SPPL2B: variants seen among roughly 807,000 people sequenced by gnomAD.
SPPL2B encodes the protein signal peptide peptidase-like 2B.
SPPL2B carries 39 observed loss-of-function variants against 59.7 expected under a neutral mutation model. The observed-to-expected ratio is 0.65, with a 90% CI of 0.51 to 0.85. SPPL2B has a LOEUF of 0.85. SPPL2B is among the 40% of genes least tolerant of loss of function. The pLI, the probability that SPPL2B is intolerant of heterozygous loss-of-function variation, is 0.00. For synonymous variants in SPPL2B, 419 were observed against 370.8 expected (o/e 1.13, Z -1.49); for missense variants, 865 against 849.0 (o/e 1.02, Z -0.23).
At position 2,339,938 on chromosome 19, in the gene SPPL2B, G is replaced by A. The variant is rs1378614341; in HGVS notation, c.714G>A (p.Val238=). 1 of 1,560,702 alleles carries A rather than the reference G, an allele frequency of 6.4e-7. No homozygotes were observed. The highest frequency in any genetic ancestry group is 1.9e-5 in the Admixed American group (1 of 51,634). The change falls in exon 6 of 15, where the codon GTG becomes GTA. Residue 238 remains valine, a synonymous_variant. Transcript: ENST00000613503. ...VFVVMCCSML[V]LLYYFYDLLV... ...TGGTGATGTGCTGCTCCATGCTGGTGCTGCTCTACTATTTCTACGATCTCC... is the reference window on the plus strand; with the variant it reads ...TGGTGATGTGCTGCTCCATGCTGGTACTGCTCTACTATTTCTACGATCTCC...
In SPPL2B at chr19:2,345,786, C is replaced by T. The variant is rs143147203; in HGVS notation, c.1354+456C>T. Among the ~76,000 whole-genome samples the T allele has an allele frequency of 7.6e-4, 76 of 100,282 alleles. No homozygotes were observed. The East Asian group carries it at 0.016, about 21-fold the overall frequency. The allele number at this position is 100,282 out of a possible 152,430, so 65.8% of individuals were successfully genotyped here. A position where few individuals can be genotyped will look rare whatever the true frequency, so the allele number is the denominator to read the frequency against. ...CCCTCTTTCTCATTCTCCCTGGGCCCGTGCCTCCATCCCCGTCTTTCTCAT... is the reference window on the plus strand; with the variant it reads ...CCCTCTTTCTCATTCTCCCTGGGCCTGTGCCTCCATCCCCGTCTTTCTCAT... On this transcript the variant is annotated intron_variant, in intron 13 of 14. Transcript: ENST00000613503.
At position 2,340,913 on chromosome 19, in the gene SPPL2B, C is replaced by A; in HGVS notation, c.855C>A (p.Ser285Arg). The change falls in exon 8 of 15, where the codon AGC becomes AGA. Residue 285 changes from serine (S) to arginine (R), a missense_variant. Ser to Arg is a moderately radical substitution (Grantham distance 110). Transcript: ENST00000613503. ...PFGKCRIPNN[S>R]LPYFHKRPQA... ...TGCCCCCCAGGATCCCCAACAACAG[C>A]CTGCCCTACTTCCACAAGCGCCCGC... is the stretch of plus-strand genomic sequence containing the variant. 1 of 1,595,102 alleles carries A rather than the reference C, an allele frequency of 6.3e-7. No homozygotes were observed.
rs866668988 is a variant in SPPL2B, at chr19:2,353,094, C to T, written c.1664C>T (p.Thr555Met). The T allele has an allele frequency of 4.5e-5, 72 of 1,611,274 alleles. No homozygotes were observed. Among genetic ancestry groups the T allele is most frequent in the Middle Eastern group, 1.6e-4 (1 of 6,078 alleles). ...WPAEQSPKSR[T>M]SEEMGAGAPM... is the part of the protein sequence containing the mutation. Reference sequence around the variant, plus strand: ...GCTGAGCAGTCCCCAAAATCACGCACGTCCGAGGAGATGGGGGCTGGAGCC... The same window carrying T: ...GCTGAGCAGTCCCCAAAATCACGCATGTCCGAGGAGATGGGGGCTGGAGCC... Residue 555 changes from threonine (T) to methionine (M), a missense_variant, in exon 15 of 15, where the codon ACG becomes ATG. By Grantham distance (81) the Thr-to-Met change is moderately conservative. Transcript: ENST00000613503.
intron 2 of SPPL2B, among the ~76,000 whole-genome samples, chr19:2,336,549 G>A (rs996496492): frequency 2.0e-5 from 3 of 151,954 alleles, no homozygotes; most frequent in African/African-American, 7.3e-5. Context: ...GTGTATGCAT[G>A]TGTGTGTAAT....
At chr19:2,329,144 C>T (rs1000369399) in intron 1 of SPPL2B, among the ~76,000 whole-genome samples, 1 of 152,276 alleles carries the variant, frequency 6.6e-6, no homozygotes, top group African/African-American at 2.4e-5. Flanking sequence ...CCACCCCTCT[C>T]CGAGCCTCAG....
intron 5 of SPPL2B, 45 bp from the exon 6 acceptor site, chr19:2,339,779 G>A (rs781531185): frequency 3.3e-5 from 53 of 1,585,170 alleles, no homozygotes; most frequent in East Asian, 2.5e-4. Context: ...GCCCCGTGTC[G>A]GCCAGCCGGC....
rs372825829 is a variant in SPPL2B at position 2,351,134 on chromosome 19, C to T, written c.1355-300C>T. On this transcript the variant is annotated intron_variant, in intron 13 of 14. Transcript: ENST00000613503. ...CCCCTCCGCTATCACGTCTGCCTCC[C>T]GCTGTCCTGCAGCTGCCCGGACCCT... Among the ~76,000 whole-genome samples, 333 of 152,316 alleles carry T rather than the reference C, an allele frequency of 2.2e-3. 4 individuals carry two copies. Among genetic ancestry groups the T allele is most frequent in the African/African-American group, 7.1e-3 (293 of 41,560 alleles).
chr19:2,339,510 C>T (rs1013883850), intron 5 of SPPL2B, among the ~76,000 whole-genome samples: 2 of 152,182 alleles, frequency 1.3e-5, no homozygotes, highest in South Asian at 2.1e-4. Context: ...CCTGCTGAGC[C>T]GCCTGGGTCT....
At chr19:2,351,743 C>T (rs773909622) in intron 14 of SPPL2B, 149 bp downstream of exon 14, 26 of 947,272 alleles carry the variant, frequency 2.7e-5, no homozygotes, top group East Asian at 7.1e-5. Flanking sequence ...GTGTCATGCG[C>T]GTGAGGCCCC....
chr19:2,344,748 G>C, intron 12 of SPPL2B, 96 bp downstream of exon 12: 1 of 793,272 alleles, frequency 1.3e-6, no homozygotes, highest in Non-Finnish European at 2.1e-6. Flanking sequence ...GCACACCGTC[G>C]GCTGGAGATA....
chr19:2,341,933 G>A (rs1463144526), intron 8 of SPPL2B: 1 of 210,914 alleles, frequency 4.7e-6, no homozygotes, highest in African/African-American at 2.4e-5. Context: ...CCCTATTTAA[G>A]AAATAATATA....
intron 2 of SPPL2B, among the ~76,000 whole-genome samples, chr19:2,335,984 GGTGT>G (rs757644277): frequency 2.7e-5 from 4 of 148,732 alleles, no homozygotes; most frequent in Non-Finnish European, 4.5e-5. Context: ...TGAACACATA[GGTGT>G]GTGTCAACAC....
rs1568435315 is a variant in SPPL2B at position 2,338,765 on chromosome 19, G to A, written c.383G>A (p.Gly128Asp). Reference protein sequence around the residue: ...VSRERLVPPGGNKTQYDEIGI... With the variant: ...VSRERLVPPGDNKTQYDEIGI... ...CTGGGCCCCCAGGTCCCCCCGGGGG[G>A]TAATAAGACGCAGTATGATGAGATT... The change falls in exon 4 of 15, where the codon GGT (glycine) becomes GAT (aspartate). Residue 128 changes from glycine (G) to aspartate (D), a missense_variant. Coordinates refer to ENST00000613503, the MANE Select transcript of SPPL2B (RefSeq NM_152988.3). 1.2e-6 allele frequency: 2 copies of A among 1,613,116 alleles called. No individual in the cohort carries two copies. The highest frequency in any genetic ancestry group is 2.2e-5 in the East Asian group (1 of 44,858).
At chr19:2,336,844 T>C (rs937486205) in intron 2 of SPPL2B, among the ~76,000 whole-genome samples, 6 of 148,100 alleles carry the variant, frequency 4.1e-5, no homozygotes, top group Non-Finnish European at 7.4e-5. Flanking sequence ...CGTGTGTGTG[T>C]GTGTGCACTC....
In SPPL2B at chr19:2,335,546, T is replaced by C. The variant is rs549546803; in HGVS notation, c.186+825T>C. Among the ~76,000 whole-genome samples, 622 of 78,670 alleles carry C rather than the reference T, an allele frequency of 7.9e-3. 8 individuals carry two copies. Among genetic ancestry groups the C allele is most frequent in the Non-Finnish European group, 7.7e-3 (303 of 39,258 alleles). The allele number at this position is 78,670 out of a possible 152,430, so 51.6% of individuals were successfully genotyped here. A position where few individuals can be genotyped will look rare whatever the true frequency, so the allele number is the denominator to read the frequency against. On this transcript the variant is annotated intron_variant, in intron 2 of 14. Coordinates refer to ENST00000613503, the MANE Select transcript of SPPL2B (RefSeq NM_152988.3). Reference sequence around the variant, plus strand: ...CTTTCTCACTTCATCCCTCAGGCCCTGCCTCCTTTTCCACTGCATCCCTCT... The same window carrying C: ...CTTTCTCACTTCATCCCTCAGGCCCCGCCTCCTTTTCCACTGCATCCCTCT...
chr19:2,346,206 G>A (rs998364683), intron 13 of SPPL2B, among the ~76,000 whole-genome samples: 1 of 152,226 alleles, frequency 6.6e-6, no homozygotes, highest in African/African-American at 2.4e-5. Context: ...GGCCTCCTCT[G>A]CCGAGCCACG....
Position 2,337,469 on chromosome 19 carries a change from G to A in SPPL2B, c.213G>A (p.Thr71=), listed in dbSNP as rs3752205. 0.029 allele frequency: 46,190 copies of A among 1,608,848 alleles called. 3,318 individuals are homozygous for A. The East Asian group carries it at 0.32, about 11-fold the overall frequency. Residue 71 remains threonine (T), a synonymous_variant, in exon 3 of 15, where the codon ACG becomes ACA. Transcript: ENST00000613503. The part of the protein sequence containing the change: ...KASFLQLRNW[T]ASLLCSAADL... The stretch of plus-strand genomic sequence containing the variant: ...CTTTCCTGCAGCTGCGCAACTGGAC[G>A]GCCTCCCTGCTCTGCTCCGCAGCCG...
chr19:2,344,088 C>A, intron 10 of SPPL2B, 49 bp downstream of exon 10: 1 of 1,256,350 alleles, frequency 8.0e-7, no homozygotes, highest in Non-Finnish European at 1.1e-6. Context: ...GCTCCCCCGC[C>A]CCCTCGCAAC....
chr19:2,339,649 T>C (rs1471229034), intron 5 of SPPL2B, 175 bp from the exon 6 acceptor site: 15 of 698,264 alleles, frequency 2.1e-5, no homozygotes, highest in Non-Finnish European at 3.6e-5. Context: ...CACCCTCTGC[T>C]GTGTGGTCTC....
Sources: allele counts gnomAD v4.1 joint callset (sites outside exome capture counted in the v4.1 genomes callset), GRCh38; gene constraint gnomAD v4.1.1; transcripts MANE v1.5; gene names NCBI Gene and HGNC (gene_info 2026-07-23, HGNC 2026-07-21).